Variants in CHRNB3 observed in about 807,000 individuals in gnomAD.
CHRNB3 encodes the protein cholinergic receptor nicotinic beta 3 subunit, also known as neuronal acetylcholine receptor subunit beta-3.
In CHRNB3, 37 loss-of-function variants were observed where a neutral mutation model predicts 40.6. The observed-to-expected ratio is 0.91, with a 90% confidence interval of 0.70 to 1.20. The LOEUF is 1.20. Ranked by LOEUF, CHRNB3 falls within the 50% of genes most tolerant of loss-of-function variation. The pLI is 0.00. For missense variants in CHRNB3, 505 were observed against 551.2 expected, an observed-to-expected ratio of 0.92 and a Z score of 0.84; for synonymous variants, 207 against 207.1, an observed-to-expected ratio of 1.00 and a Z score of 0.00.
intron 1 of CHRNB3, among the ~76,000 whole-genome samples, chr8:42,702,910 G>A (rs78756882): frequency 0.011 from 1,720 of 152,258 alleles, 38 homozygotes; most frequent in African/African-American, 0.04. Flanking sequence ...TTTGCAATAA[G>A]GGAAGATGGC....
At chr8:42,710,693 A>G (rs950451540) in intron 3 of CHRNB3, among the ~76,000 whole-genome samples, 2 of 152,200 alleles carry the variant, frequency 1.3e-5, no homozygotes, top group East Asian at 1.9e-4. Context: ...CTCTACTGCC[A>G]TAAGGCCTGG....
Position 42,708,841 on chromosome 8 carries a change from A to G in CHRNB3, c.177A>G (p.Gly59=). The change falls in exon 2 of 6, where the codon GGA becomes GGG. Residue 59 remains glycine (G), a synonymous_variant. Transcript: ENST00000289957. ...ATGACACCATAAAAGTATATTTTGG[A>G]TTGAAAATATCCCAGCTTGTAGATG... ...HSNDTIKVYF[G]LKISQLVDVD... is the part of the protein sequence containing the mutation. 1 of 1,613,544 alleles carries G rather than the reference A, an allele frequency of 6.2e-7. No homozygotes were observed. Among genetic ancestry groups the G allele is most frequent in the Non-Finnish European group, 8.5e-7 (1 of 1,179,770 alleles).
At position 42,732,295 on chromosome 8, in the gene CHRNB3, C is replaced by A. The variant is rs1163299616; in HGVS notation, c.988C>A (p.Pro330Thr). Residue 330 changes from proline (P) to threonine (T), a missense_variant, in exon 5 of 6, where the codon CCC becomes ACC. Coordinates refer to ENST00000289957, the MANE Select transcript of CHRNB3 (RefSeq NM_000749.5). Reference protein sequence around the residue: ...VHHRSSSTYHPMAPWVKRLFL... With the variant: ...VHHRSSSTYHTMAPWVKRLFL... ...CCACAGATCTTCTTCCACGTACCAC[C>A]CCATGGCCCCCTGGGTTAAGAGGCT... is the stretch of plus-strand genomic sequence containing the variant. 6.2e-7 allele frequency: 1 copy of A among 1,607,208 alleles called. No homozygotes were observed. Among genetic ancestry groups the A allele is most frequent in the Non-Finnish European group, 8.5e-7 (1 of 1,178,026 alleles).
At chr8:42,707,436 C>T (rs554110327) in intron 1 of CHRNB3, among the ~76,000 whole-genome samples, 5 of 152,256 alleles carry the variant, frequency 3.3e-5, no homozygotes, top group South Asian at 4.1e-4. Flanking sequence ...GGATATTAAT[C>T]GGGTGCTGAA....
intron 1 of CHRNB3, among the ~76,000 whole-genome samples, chr8:42,703,084 C>T (rs1815845461): frequency 2.0e-5 from 3 of 152,116 alleles, no homozygotes; most frequent in Middle Eastern, 3.4e-3. Context: ...GTTCACTTTT[C>T]CTTCCTCTTT....
chr8:42,726,038 C>T (rs1363303917), intron 3 of CHRNB3: 9 of 960,728 alleles, frequency 9.4e-6, no homozygotes, highest in African/African-American at 6.5e-5. Flanking sequence ...TACCTTGTCA[C>T]GTTTCTGTCA....
intron 3 of CHRNB3, among the ~76,000 whole-genome samples, chr8:42,729,687 G>C (rs1420032759): frequency 2.0e-5 from 3 of 152,202 alleles, no homozygotes; most frequent in African/African-American, 7.2e-5. Context: ...GCGTCATGCT[G>C]GGCATGCCCT....
Position 42,720,111 on chromosome 8 carries a change from C to CTTTTTTTTTTT in CHRNB3, c.249+9701_249+9711dup, listed in dbSNP as rs869178430. Among the ~76,000 whole-genome samples, 9 of 48,746 alleles carry CTTTTTTTTTTT rather than the reference C, an allele frequency of 1.8e-4. 1 individual carries two copies. Among genetic ancestry groups the CTTTTTTTTTTT allele is most frequent in the African/African-American group, 5.4e-4 (6 of 11,180 alleles). 32.0% of individuals were successfully genotyped at this position (48,746 alleles called of 152,430 possible). The stretch of plus-strand genomic sequence containing the variant: ...CAACCCTGCCCCACTCAGAAGCCTT[C>CTTTTTTTTTTT]TTTTTTTTTTTTTTTTTTTTTTTTT... On this transcript the variant is annotated intron_variant, in intron 3 of 5. Coordinates refer to ENST00000289957, the MANE Select transcript of CHRNB3 (RefSeq NM_000749.5).
In CHRNB3 at chr8:42,732,466, G is replaced by A. The variant is rs1816448009; in HGVS notation, c.1159G>A (p.Val387Ile). ...GAAACAGCTTAGTGATGGAGAAAAA[G>A]TTCTAGTTGCTTTTTTGGAAAAAGC... is the stretch of plus-strand genomic sequence containing the variant. ...KQKQLSDGEK[V>I]LVAFLEKAAD... The change falls in exon 5 of 6, where the codon GTT becomes ATT. Residue 387 changes from valine (V) to isoleucine (I), a missense_variant. Val to Ile is a conservative substitution (Grantham distance 29). Transcript: ENST00000289957. 2 of 1,612,594 alleles carry A rather than the reference G, an allele frequency of 1.2e-6. No individual in the cohort carries two copies. The highest frequency in any genetic ancestry group is 1.7e-6 in the Non-Finnish European group (2 of 1,179,778).
chr8:42,728,468 G>T (rs1816346521), intron 3 of CHRNB3, among the ~76,000 whole-genome samples: 1 of 152,078 alleles, frequency 6.6e-6, no homozygotes, highest in South Asian at 2.1e-4. Context: ...GGTTGAGGCT[G>T]TAGTGAATCA....
intron 1 of CHRNB3, among the ~76,000 whole-genome samples, chr8:42,701,613 T>A (rs563647714): frequency 6.6e-6 from 1 of 152,282 alleles, no homozygotes; most frequent in African/African-American, 2.4e-5. Context: ...TTCTTTGTCT[T>A]AAAGTGTTAC....
chr8:42,711,232 C>T (rs762821435), intron 3 of CHRNB3, among the ~76,000 whole-genome samples: 16 of 151,964 alleles, frequency 1.1e-4, no homozygotes, highest in Non-Finnish European at 2.1e-4. Context: ...ATTGCTTGAA[C>T]CCAGGTGGCA....
intron 1 of CHRNB3, among the ~76,000 whole-genome samples, chr8:42,700,959 T>C (rs749330255): frequency 3.3e-5 from 5 of 151,820 alleles, no homozygotes; most frequent in Admixed American, 6.6e-5. Context: ...TGGTCGGGTG[T>C]GGGGCTTACG....
intron 1 of CHRNB3, chr8:42,704,507 G>C (rs1473797350): frequency 6.6e-6 from 1 of 152,152 alleles, no homozygotes; most frequent in East Asian, 1.9e-4. Flanking sequence ...AAGCATGTCA[G>C]GTCAGAATTC....
At chr8:42,701,057 G>T (rs10093636) in intron 1 of CHRNB3, among the ~76,000 whole-genome samples, 2 of 151,492 alleles carry the variant, frequency 1.3e-5, no homozygotes, top group African/African-American at 4.8e-5. Context: ...GTGAAACCCC[G>T]TCTCTACTAA....
intron 3 of CHRNB3, chr8:42,726,034 G>T (rs1816303886): frequency 2.1e-6 from 2 of 971,330 alleles, no homozygotes. Context: ...GACGTACCTT[G>T]TCACGTTTCT....
At chr8:42,735,081 G>A (rs769935117) in intron 5 of CHRNB3, among the ~76,000 whole-genome samples, 6 of 151,740 alleles carry the variant, frequency 4.0e-5, no homozygotes, top group African/African-American at 1.5e-4. Context: ...TTAGCCGGGC[G>A]TGGTGGCCGG....
At chr8:42,712,919 T>G (rs1459178736) in intron 3 of CHRNB3, among the ~76,000 whole-genome samples, 10 of 145,050 alleles carry the variant, frequency 6.9e-5, no homozygotes, top group African/African-American at 2.5e-4. Flanking sequence ...TAGAGTACAG[T>G]GGCTCAATCT....
chr8:42,699,210 G>A (rs1442442388), intron 1 of CHRNB3, among the ~76,000 whole-genome samples: 3 of 151,730 alleles, frequency 2.0e-5, no homozygotes, highest in Non-Finnish European at 4.4e-5. Flanking sequence ...TATATTTCTG[G>A]CTTTGGTAAA....
Sources: gnomAD v4.1 joint callset for allele counts (sites outside exome capture counted in the v4.1 genomes callset) on GRCh38, gnomAD v4.1.1 for gene constraint, MANE v1.5 for transcripts, NCBI Gene and HGNC (gene_info 2026-07-23, HGNC 2026-07-21) for gene names.